Variants in SLC25A17 observed in about 807,000 individuals in gnomAD.
SLC25A17 encodes peroxisomal membrane protein PMP34.
Under a neutral mutation model 38.5 loss-of-function variants are expected in SLC25A17, and 26 were observed. That is an observed-to-expected ratio of 0.68 (90% CI 0.50 to 0.94). SLC25A17 has a LOEUF of 0.94. Among genes scored for constraint, SLC25A17 ranks in the 40% least tolerant of loss-of-function variants. SLC25A17 has a pLI of 0.00. For missense variants in SLC25A17, 333 were observed against 372.7 expected (o/e 0.89, Z 0.88); for synonymous variants, 139 against 136.2 (o/e 1.02, Z -0.14).
chr22:40,783,164 G>A (rs1422037536), intron 4 of SLC25A17, among the ~76,000 whole-genome samples: 3 of 152,302 alleles, frequency 2.0e-5, no homozygotes, highest in East Asian at 3.9e-4. Context: ...CAGAAAAAGA[G>A]AAGACCTACA....
At chr22:40,778,168 C>CTG (rs2057263553) in intron 5 of SLC25A17, among the ~76,000 whole-genome samples, 2 of 152,184 alleles carry the variant, frequency 1.3e-5, no homozygotes, top group Non-Finnish European at 2.9e-5. Flanking sequence ...TATCAGATAC[C>CTG]AATCTGGTGT....
chr22:40,777,902 A>C (rs964217681), intron 5 of SLC25A17, among the ~76,000 whole-genome samples: 2 of 152,216 alleles, frequency 1.3e-5, no homozygotes, highest in South Asian at 4.1e-4. Flanking sequence ...ACCAACTTCA[A>C]TCACAGGCAA....
At chr22:40,778,326 C>G (rs2057264526) in intron 5 of SLC25A17, among the ~76,000 whole-genome samples, 1 of 152,210 alleles carries the variant, frequency 6.6e-6, no homozygotes, top group Non-Finnish European at 1.5e-5. Context: ...ACTGGGATGT[C>G]AGCAGACAAG....
chr22:40,774,994 T>G (rs2057226494), intron 7 of SLC25A17, among the ~76,000 whole-genome samples: 1 of 152,164 alleles, frequency 6.6e-6, no homozygotes, highest in Non-Finnish European at 1.5e-5. Context: ...CTCTTGCCTG[T>G]ATTACTGAAA....
At chr22:40,818,670 C>T (rs943298036) in intron 1 of SLC25A17, among the ~76,000 whole-genome samples, 27 of 147,466 alleles carry the variant, frequency 1.8e-4, no homozygotes, top group Non-Finnish European at 3.0e-5. Flanking sequence ...CGCGCCACTG[C>T]ACTCCAGCTT....
At chr22:40,775,453 T>TTG (rs1951680800) in intron 7 of SLC25A17, among the ~76,000 whole-genome samples, 1 of 51,996 alleles carries the variant, frequency 1.9e-5, no homozygotes, top group Admixed American at 1.5e-4. Context: ...TTTTTTTTTT[T>TTG]TTTTTTTTTT....
At position 40,770,862 on chromosome 22, in the gene SLC25A17, A is replaced by AT. The variant is rs1298511325; in HGVS notation, c.895dup (p.Met299AsnfsTer33). 1 of 1,613,324 alleles carries AT rather than the reference A, an allele frequency of 6.2e-7. No individual in the cohort carries two copies. The highest frequency in any genetic ancestry group is 8.5e-7 in the Non-Finnish European group (1 of 1,179,504). On this transcript the variant is annotated frameshift_variant, in exon 9 of 9. Transcript: ENST00000435456. LOFTEE classifies it high-confidence loss of function. ...GTGTTGGTGTGCACGCTTCAGCCCC[A>AT]TAACTGTGAAGGTGGCAGCTGTCAG...
chr22:40,814,458 T>A (rs2057614177), intron 1 of SLC25A17, among the ~76,000 whole-genome samples: 1 of 152,164 alleles, frequency 6.6e-6, no homozygotes, highest in African/African-American at 2.4e-5. Context: ...TCTACATCAT[T>A]TATGTATTAA....
chr22:40,794,623 A>C, intron 2 of SLC25A17, 43 bp from the exon 3 acceptor site: 1 of 1,410,282 alleles, frequency 7.1e-7, no homozygotes, highest in Non-Finnish European at 9.7e-7. Flanking sequence ...TAATTAAAAA[A>C]AAAATTTTTT....
intron 1 of SLC25A17, among the ~76,000 whole-genome samples, chr22:40,809,172 G>A (rs545534873): frequency 6.6e-6 from 1 of 151,958 alleles, no homozygotes; most frequent in East Asian, 1.9e-4. Context: ...CCCAGCTAAT[G>A]TATTTTTAAT....
Position 40,779,059 on chromosome 22 carries a change from G to C in SLC25A17, c.401C>G (p.Ala134Gly). The change falls in exon 5 of 9, where the codon GCA (alanine) becomes GGA (glycine). Residue 134 changes from alanine (A) to glycine (G), a missense_variant. Ala to Gly is a moderately conservative substitution (Grantham distance 60). Transcript: ENST00000435456. ...TACAATGTCTTCATTCCTAAATTTTGCTCCTTGAAGCTTCAGTCTGGTGTT... is the reference window on the plus strand; with the variant it reads ...TACAATGTCTTCATTCCTAAATTTTCCTCCTTGAAGCTTCAGTCTGGTGTT... ...VVNTRLKLQG[A>G]KFRNEDIVPT... 6.2e-7 allele frequency: 1 copy of C among 1,614,130 alleles called. No individual in the cohort carries two copies.
At chr22:40,785,121 C>T (rs536934477) in intron 4 of SLC25A17, among the ~76,000 whole-genome samples, 6 of 152,308 alleles carry the variant, frequency 3.9e-5, no homozygotes, top group South Asian at 2.1e-4. Flanking sequence ...TGGTGGCTCA[C>T]GCCTGTAATC....
intron 1 of SLC25A17, among the ~76,000 whole-genome samples, chr22:40,810,086 A>G (rs1055177072): frequency 1.3e-5 from 2 of 152,108 alleles, no homozygotes; most frequent in Non-Finnish European, 2.9e-5. Context: ...GCTCCTGGTA[A>G]AATTCTTGTA....
chr22:40,771,690 G>A (rs1302387128), intron 8 of SLC25A17, among the ~76,000 whole-genome samples: 3 of 152,146 alleles, frequency 2.0e-5, no homozygotes, highest in Non-Finnish European at 4.4e-5. Context: ...AAAGGTAGAA[G>A]GATGGTTACC....
intron 2 of SLC25A17, among the ~76,000 whole-genome samples, chr22:40,798,660 T>TTA (rs1556180104): frequency 6.7e-5 from 5 of 74,378 alleles, no homozygotes; most frequent in Non-Finnish European, 7.5e-5. Flanking sequence ...CACACATACA[T>TTA]AAAAAAAAAA....
chr22:40,787,983 G>A (rs1304362830), intron 4 of SLC25A17, among the ~76,000 whole-genome samples: 1 of 152,090 alleles, frequency 6.6e-6, no homozygotes, highest in African/African-American at 2.4e-5. Flanking sequence ...CTTGAACTCC[G>A]GAGCTCAAGC....
At chr22:40,774,204 G>A (rs1005893160) in intron 7 of SLC25A17, among the ~76,000 whole-genome samples, 185 bp from the exon 8 acceptor site, 19 of 151,170 alleles carry the variant, frequency 1.3e-4, no homozygotes. Context: ...AATCAAATAA[G>A]TGAAAATAAG....
intron 1 of SLC25A17, among the ~76,000 whole-genome samples, chr22:40,804,064 C>T (rs2057507840): frequency 6.6e-6 from 1 of 152,092 alleles, no homozygotes. Context: ...CTGACACAGG[C>T]ACACTGGGTT....
intron 4 of SLC25A17, among the ~76,000 whole-genome samples, chr22:40,782,072 T>C (rs9623234): frequency 0.018 from 2,814 of 152,128 alleles, 81 homozygotes; most frequent in African/African-American, 0.063. Context: ...ATACAAAAAT[T>C]AGCCAGGCAC....
Sources: gnomAD v4.1 joint callset for allele counts (sites outside exome capture counted in the v4.1 genomes callset) on GRCh38, gnomAD v4.1.1 for gene constraint, MANE v1.5 for transcripts, NCBI Gene and HGNC (gene_info 2026-07-23, HGNC 2026-07-21) for gene names.